PASK: variants seen among roughly 807,000 people sequenced by gnomAD.
The protein encoded by PASK is PAS domain-containing serine/threonine-protein kinase.
In PASK, 110 loss-of-function variants were observed where a neutral mutation model predicts 121.0. The ratio of observed to expected loss-of-function variants is 0.91; its 90% CI spans 0.78 to 1.06. PASK has a LOEUF of 1.06. PASK is among the 50% of genes least tolerant of loss of function. The pLI, the probability that PASK is intolerant of heterozygous loss-of-function variation, is 0.00. For missense variants in PASK, 1,643 were observed against 1,702.3 expected, an observed-to-expected ratio of 0.97 and a Z score of 0.61; for synonymous variants, 686 against 717.8, an observed-to-expected ratio of 0.96 and a Z score of 0.71.
At position 241,137,124 on chromosome 2, in the gene PASK, G is replaced by A; in HGVS notation, c.1017C>T (p.Val339=). 7 of 1,613,868 alleles carry A rather than the reference G, an allele frequency of 4.3e-6. No homozygotes were observed. The highest frequency in any genetic ancestry group is 5.9e-6 in the Non-Finnish European group (7 of 1,179,954). ...AAPVSGYRAS[V]WVFCTISGLI... is the part of the protein sequence containing the mutation. ...GGCCACTGATGGTGCAGAACACCCA[G>A]ACAGATGCCCGGTAGCCGCTCACAG... Residue 339 remains valine (V), a synonymous_variant, in exon 7 of 18, where the codon GTC becomes GTT. Coordinates refer to ENST00000234040, the MANE Select transcript of PASK (RefSeq NM_015148.4).
intron 9 of PASK, among the ~76,000 whole-genome samples, chr2:241,128,534 C>T (rs752289677): frequency 3.9e-5 from 6 of 152,148 alleles, no homozygotes; most frequent in Non-Finnish European, 2.9e-5. Context: ...CCACCTCACT[C>T]GGGGACAGAC....
rs1194575387 is a variant in PASK, at chr2:241,118,948, C to T, written c.3073-3535G>A. On this transcript the variant is annotated intron_variant, in intron 12 of 17. Coordinates refer to ENST00000234040, the MANE Select transcript of PASK (RefSeq NM_015148.4). ...TCCCAGCACCCCAGTGAGTAAGCTG[C>T]CCGTGGCTGGCAAGGGCAGCACCCC... The T allele has an allele frequency of 2.9e-6, 3 of 1,026,586 alleles. No homozygotes were observed. The East Asian group carries it at 2.3e-4, about 79-fold the overall frequency. 63.6% of individuals were successfully genotyped at this position (1,026,586 alleles called of 1,614,324 possible).
At chr2:241,145,496 G>C (rs899578301) in intron 1 of PASK, among the ~76,000 whole-genome samples, 5 of 152,114 alleles carry the variant, frequency 3.3e-5, no homozygotes, top group African/African-American at 1.2e-4. Context: ...AAGTTTTTAG[G>C]AGAAAAGAGG....
intron 10 of PASK, among the ~76,000 whole-genome samples, chr2:241,125,348 C>A (rs2065803966): frequency 1.3e-5 from 2 of 151,098 alleles, no homozygotes; most frequent in African/African-American, 2.4e-5. Flanking sequence ...CACCTGTAAT[C>A]CCAGCATTTT....
At position 241,112,907 on chromosome 2, in the gene PASK, C is replaced by T. The variant is rs923852258; in HGVS notation, c.3334-468G>A. The T allele has an allele frequency of 5.1e-5, 9 of 176,218 alleles. No individual in the cohort carries two copies. Among genetic ancestry groups the T allele is most frequent in the Non-Finnish European group, 1.1e-4 (9 of 82,302 alleles). The allele number at this position is 176,218 out of a possible 1,614,324, so 10.9% of individuals were successfully genotyped here. ...GCTCACAGGGAGGGAAAGTGACTTG[C>T]CCAGAGTTCAGGCAGCAATTTGGGG... On this transcript the variant is annotated intron_variant, in intron 14 of 17. Coordinates refer to ENST00000234040, the MANE Select transcript of PASK (RefSeq NM_015148.4). This position sits in a 1 kb window ranked among gnomAD's most constrained non-coding sequence, Gnocchi z 5.2.
intron 9 of PASK, 66 bp downstream of exon 9, chr2:241,132,808 T>A (rs1285760741): frequency 2.3e-6 from 3 of 1,283,908 alleles, no homozygotes; most frequent in Non-Finnish European, 3.4e-6. Flanking sequence ...CTCTGACTTG[T>A]TCCTCATTCA....
rs59710610 is a variant in PASK at position 241,108,104 on chromosome 2, A to C, written c.3667+63T>G. The C allele has an allele frequency of 4.8e-3, 7,410 of 1,541,164 alleles. 263 individuals are homozygous for C. In the African/African-American group the frequency reaches 0.084, roughly 17 times the overall value. On this transcript the variant is annotated intron_variant, in intron 16 of 17. Coordinates refer to ENST00000234040, the MANE Select transcript of PASK (RefSeq NM_015148.4). This position sits in a 1 kb window ranked among gnomAD's most constrained non-coding sequence, Gnocchi z 5.2. ...ATACACTGAGGAATGAGGAAATGGG[A>C]AAAAAAAGTGGCTGGTCTCTAAGGA...
chr2:241,132,519 A>C (rs2066202533), intron 9 of PASK, among the ~76,000 whole-genome samples: 1 of 116,090 alleles, frequency 8.6e-6, no homozygotes, highest in African/African-American at 3.6e-5. Context: ...ACACAGCGAG[A>C]CTCTGTCTAA....
At chr2:241,119,161 C>T (rs1012387771) in intron 12 of PASK, among the ~76,000 whole-genome samples, 11 of 152,260 alleles carry the variant, frequency 7.2e-5, no homozygotes, top group African/African-American at 2.4e-5. Context: ...GGGTCAGAAG[C>T]GATCACCCTG....
chr2:241,120,046 A>G (rs1239683557), intron 12 of PASK, among the ~76,000 whole-genome samples: 1 of 151,674 alleles, frequency 6.6e-6, no homozygotes, highest in East Asian at 1.9e-4. Context: ...AAAATAAAAT[A>G]AAATGTGCTT....
intron 1 of PASK, among the ~76,000 whole-genome samples, chr2:241,143,866 G>A (rs985437756): frequency 6.6e-6 from 1 of 152,262 alleles, no homozygotes; most frequent in Admixed American, 6.5e-5. Flanking sequence ...AAGAGGCCAT[G>A]TCTCCTAGAG....
Position 241,112,246 on chromosome 2 carries a change from C to G in PASK, c.3527G>C (p.Gly1176Ala). ...ACCGCAGCCGCATACGTACGGATTC[C>G]CCATGAGAACTTCCGGTGCACAGTA... ...IEYCAPEVLM[G>A]NPYRGPELEM... The change falls in exon 15 of 18, where the codon GGG (glycine) becomes GCG (alanine). Residue 1176 changes from glycine to alanine, a missense_variant. Gly to Ala is a moderately conservative substitution (Grantham distance 60). Around this residue, in one of 3 missense-constraint regions of PASK, gnomAD observed 453 missense variants for 511.2 expected, o/e 0.89. Transcript: ENST00000234040. This position sits in a 1 kb window ranked among gnomAD's most constrained non-coding sequence, Gnocchi z 5.2. 1 of 1,612,954 alleles carries G rather than the reference C, an allele frequency of 6.2e-7. No homozygotes were observed. Among genetic ancestry groups the G allele is most frequent in the Non-Finnish European group, 8.5e-7 (1 of 1,179,004 alleles).
chr2:241,110,508 G>A (rs527672515), intron 15 of PASK, among the ~76,000 whole-genome samples: 3 of 152,362 alleles, frequency 2.0e-5, no homozygotes, highest in East Asian at 3.9e-4. Context: ...GCAGTACACC[G>A]CTCACAGCCA....
chr2:241,143,662 T>A (rs932613664), intron 1 of PASK, among the ~76,000 whole-genome samples: 2 of 150,928 alleles, frequency 1.3e-5, no homozygotes, highest in Non-Finnish European at 3.0e-5. Context: ...GAAGGAGCCA[T>A]GAGGGAAGGC....
intron 12 of PASK, among the ~76,000 whole-genome samples, chr2:241,119,449 G>A (rs566859465): frequency 6.6e-6 from 1 of 150,690 alleles, no homozygotes; most frequent in East Asian, 2.0e-4. Flanking sequence ...GTGGCTTCAT[G>A]TCAGTAAGCA....
chr2:241,106,855 C>T (rs1249399421), intron 17 of PASK, 132 bp from the exon 18 acceptor site: 26 of 874,046 alleles, frequency 3.0e-5, no homozygotes, highest in Non-Finnish European at 4.1e-5. Flanking sequence ...GGCAATGTCC[C>T]GGAAGTACAG....
At chr2:241,143,560 G>GAA (rs1028692219) in intron 1 of PASK, among the ~76,000 whole-genome samples, 1 of 134,884 alleles carries the variant, frequency 7.4e-6, no homozygotes, top group South Asian at 2.4e-4. Flanking sequence ...CAAAAAAAAA[G>GAA]AAAAAAAAAA....
At chr2:241,143,257 T>C (rs1465945669) in intron 1 of PASK, among the ~76,000 whole-genome samples, 183 bp from the exon 2 acceptor site, 2 of 152,100 alleles carry the variant, frequency 1.3e-5, no homozygotes, top group South Asian at 4.1e-4. Context: ...AGAAGCTCTT[T>C]CCGGGCCAGG....
chr2:241,139,583 C>A lies in PASK; in HGVS notation c.600+302G>T, dbSNP rs878872631. 9 of 637,120 alleles carry A rather than the reference C, an allele frequency of 1.4e-5. No individual in the cohort carries two copies. In the Middle Eastern group the frequency reaches 1.0e-3, roughly 71 times the overall value. 39.5% of individuals were successfully genotyped at this position (637,120 alleles called of 1,614,324 possible). A position where few individuals can be genotyped will look rare whatever the true frequency, so the allele number is the denominator to read the frequency against. ...GCATCTGATGTGCTGCCCGGCAGGA[C>A]TGCAAAACATTAGTGAAGCTACAGC... On this transcript the variant is annotated intron_variant, in intron 4 of 17. Coordinates refer to ENST00000234040, the MANE Select transcript of PASK (RefSeq NM_015148.4).
Sources: gnomAD v4.1 joint callset for allele counts (sites outside exome capture counted in the v4.1 genomes callset) on GRCh38, gnomAD v4.1.1 for gene constraint, gnomAD v4.1.1 regional missense constraint, Gnocchi (gnomAD v3.1) non-coding constraint, MANE v1.5 for transcripts, NCBI Gene and HGNC (gene_info 2026-07-23, HGNC 2026-07-21) for gene names.